FGD5: variants seen among roughly 807,000 people sequenced by gnomAD.
FGD5 encodes the protein FYVE, RhoGEF and PH domain containing 5, also known as FYVE, RhoGEF and PH domain-containing protein 5.
FGD5 carries 28 observed loss-of-function variants against 133.4 expected under a neutral mutation model. That is an observed-to-expected ratio of 0.21 (90% confidence interval 0.16 to 0.29). The LOEUF is 0.29. Ranked by LOEUF, FGD5 falls within the 10% of genes least tolerant of loss-of-function variation. The pLI is 1.00. For missense variants in FGD5, 1,858 were observed against 1,895.2 expected (o/e 0.98, Z 0.36); for synonymous variants, 810 against 776.5 (o/e 1.04, Z -0.72).
At position 14,819,409 on chromosome 3, in the gene FGD5, G is replaced by A; in HGVS notation, c.338G>A (p.Gly113Asp). Reference protein sequence around the residue: ...EEGGEACGLEGTGAGEDSVAP... With the variant: ...EEGGEACGLEDTGAGEDSVAP... ...GGAGGCGAGGCATGTGGCCTGGAGG[G>A]TACAGGAGCTGGTGAGGATTCAGTG... is the stretch of plus-strand genomic sequence containing the variant. Residue 113 changes from glycine (G) to aspartate (D), a missense_variant, in exon 1 of 20, where the codon GGT becomes GAT. By Grantham distance (94) the Gly-to-Asp change is moderately conservative. Coordinates refer to ENST00000285046, the MANE Select transcript of FGD5 (RefSeq NM_152536.4). The surrounding 1 kb of genome is among the most constrained non-coding windows in gnomAD (Gnocchi z 4.1). The A allele has an allele frequency of 1.9e-6, 3 of 1,550,114 alleles. No individual in the cohort carries two copies. The highest frequency in any genetic ancestry group is 1.4e-5 in the African/African-American group (1 of 73,000).
chr3:14,820,428 C>T lies in FGD5; in HGVS notation c.1357C>T (p.Leu453=). The T allele has an allele frequency of 1.2e-6, 2 of 1,613,978 alleles. No individual in the cohort carries two copies. Among genetic ancestry groups the T allele is most frequent in the Non-Finnish European group, 1.7e-6 (2 of 1,179,882 alleles). ...AGGAGGGCAGGCTGCATCGGACGCC[C>T]TGGGTGGTTATGGCTCGAAAGAAGA... ...GEGGQAASDA[L]GGYGSKEELN... Residue 453 remains leucine, a synonymous_variant, in exon 1 of 20, where the codon CTG becomes TTG. Transcript: ENST00000285046.
rs73031904 is a variant in FGD5, at chr3:14,917,055, C to G, written c.3406-194C>G. The stretch of plus-strand genomic sequence containing the variant: ...CTTGAGGGCATATGCATTTATTCCT[C>G]TCAAGCATCGAACCAGGAGTAGAGT... On this transcript the variant is annotated intron_variant, in intron 11 of 19. Transcript: ENST00000285046. The surrounding 1 kb of genome is among the most constrained non-coding windows in gnomAD (Gnocchi z 4.1). Among the ~76,000 whole-genome samples, 2,376 of 152,304 alleles carry G rather than the reference C, an allele frequency of 0.016. 17 individuals are homozygous for G. The highest frequency in any genetic ancestry group is 0.017 in the Non-Finnish European group (1,158 of 68,028).
intron 2 of FGD5, among the ~76,000 whole-genome samples, chr3:14,879,941 A>G (rs1162732331): frequency 6.6e-6 from 1 of 152,256 alleles, no homozygotes; most frequent in Non-Finnish European, 1.5e-5. Context: ...TGGTGGGGTC[A>G]TGAAGTGGGA....
chr3:14,843,709 G>C (rs2036970760), intron 1 of FGD5, among the ~76,000 whole-genome samples: 1 of 114,580 alleles, frequency 8.7e-6, no homozygotes, highest in African/African-American at 3.5e-5. Context: ...TTTTTGGGGG[G>C]AGACAGAGTC....
At chr3:14,850,122 C>G (rs1006985062) in intron 1 of FGD5, among the ~76,000 whole-genome samples, 1 of 152,242 alleles carries the variant, frequency 6.6e-6, no homozygotes, top group Non-Finnish European at 1.5e-5. Context: ...GCCCTTCCTG[C>G]TTCGCCTGTG....
intron 12 of FGD5, among the ~76,000 whole-genome samples, chr3:14,918,228 TTAGA>T (rs1252253682): frequency 6.6e-6 from 1 of 152,124 alleles, no homozygotes; most frequent in African/African-American, 2.4e-5. Context: ...GAGGCTGAAG[TTAGA>T]GAGGGCAACA....
chr3:14,930,602 A>G (rs924177701), intron 18 of FGD5, among the ~76,000 whole-genome samples: 4 of 152,106 alleles, frequency 2.6e-5, no homozygotes, highest in African/African-American at 9.7e-5. Context: ...CTGTCTCAAA[A>G]AAGAAAAAAA....
chr3:14,893,745 C>CTTT (rs1184804114), intron 4 of FGD5, among the ~76,000 whole-genome samples: 2 of 89,112 alleles, frequency 2.2e-5, no homozygotes, highest in African/African-American at 8.4e-5. Context: ...TCTTTCTTTT[C>CTTT]TTTTTTCTTT....
upstream of FGD5, among the ~76,000 whole-genome samples, chr3:14,816,609 G>A (rs887060145): frequency 6.6e-6 from 1 of 152,196 alleles, no homozygotes; most frequent in African/African-American, 2.4e-5. Flanking sequence ...GATCAGCCAG[G>A]CTCCAAAGGC....
intron 4 of FGD5, among the ~76,000 whole-genome samples, chr3:14,887,682 CAA>C (rs1249162861): frequency 6.6e-6 from 1 of 152,130 alleles, no homozygotes; most frequent in East Asian, 1.9e-4. Flanking sequence ...GGAAAAAGAA[CAA>C]TAGTAACGCA....
intron 1 of FGD5, among the ~76,000 whole-genome samples, chr3:14,846,797 G>T (rs1269326722): frequency 6.6e-6 from 1 of 152,218 alleles, no homozygotes; most frequent in Admixed American, 6.5e-5. Flanking sequence ...TTTGTTGGAG[G>T]TGACAATGCC....
chr3:14,812,968 C>T (rs1484510721), intron 1 of FGD5, among the ~76,000 whole-genome samples: 1 of 152,114 alleles, frequency 6.6e-6, no homozygotes, highest in Non-Finnish European at 1.5e-5. Flanking sequence ...AGTACCATTG[C>T]CATCCCCATT....
At chr3:14,824,935 G>A (rs1328746796) in intron 1 of FGD5, among the ~76,000 whole-genome samples, 1 of 152,212 alleles carries the variant, frequency 6.6e-6, no homozygotes, top group South Asian at 2.1e-4. Flanking sequence ...AGGGAGAGGT[G>A]TTAAAGACAT....
At chr3:14,810,989 C>A in intron 1 of FGD5, 1 of 816,072 alleles carries the variant, frequency 1.2e-6, no homozygotes, top group Non-Finnish European at 1.5e-6. Context: ...CTTCCAGTGC[C>A]GCTCGGCCTC....
chr3:14,911,001 A>G lies in FGD5; in HGVS notation c.3405+72A>G, dbSNP rs1575251778. On this transcript the variant is annotated intron_variant, in intron 11 of 19. Transcript: ENST00000285046. ...TGAGGTTTTCTAGGGCCATTATTCA[A>G]GGACAAGTGGAATAGGGTGAGAGGA... 3 of 1,439,322 alleles carry G rather than the reference A, an allele frequency of 2.1e-6. No individual in the cohort carries two copies. The East Asian group carries it at 7.3e-5, about 35-fold the overall frequency. The allele number at this position is 1,439,322 out of a possible 1,614,324, so 89.2% of individuals were successfully genotyped here.
chr3:14,820,544 C>G lies in FGD5; in HGVS notation c.1473C>G (p.Gly491=), dbSNP rs761268325. The part of the protein sequence containing the change: ...RVRPHSGKVA[G]YVPETVPEET... Reference sequence around the variant, plus strand: ...GGCCCCACTCTGGGAAGGTGGCCGGCTATGTCCCAGAAACCGTCCCTGAAG... The same window carrying G: ...GGCCCCACTCTGGGAAGGTGGCCGGGTATGTCCCAGAAACCGTCCCTGAAG... The change falls in exon 1 of 20, where the codon GGC becomes GGG. Residue 491 remains glycine (G), a synonymous_variant. Coordinates refer to ENST00000285046, the MANE Select transcript of FGD5 (RefSeq NM_152536.4). 6.2e-7 allele frequency: 1 copy of G among 1,613,448 alleles called. No homozygotes were observed. The highest frequency in any genetic ancestry group is 8.5e-7 in the Non-Finnish European group (1 of 1,179,618).
intron 9 of FGD5, among the ~76,000 whole-genome samples, chr3:14,901,294 G>A (rs1007228930): frequency 3.9e-5 from 6 of 152,220 alleles, no homozygotes; most frequent in Admixed American, 3.3e-4. Context: ...GGAATGCCCC[G>A]ACTGTGGTCT....
intron 4 of FGD5, among the ~76,000 whole-genome samples, chr3:14,889,514 A>T (rs2037986132): frequency 6.6e-6 from 1 of 152,222 alleles, no homozygotes; most frequent in South Asian, 2.1e-4. Context: ...AGCTGCTGTG[A>T]ACATCACCAT....
chr3:14,886,566 G>A (rs1251095748), intron 4 of FGD5, among the ~76,000 whole-genome samples: 1 of 152,244 alleles, frequency 6.6e-6, no homozygotes, highest in Non-Finnish European at 1.5e-5. Flanking sequence ...CCTCCGATGA[G>A]GCTGTGGCAA....
Sources: gnomAD v4.1 joint callset for allele counts (sites outside exome capture counted in the v4.1 genomes callset) on GRCh38, gnomAD v4.1.1 for gene constraint, Gnocchi (gnomAD v3.1) non-coding constraint, MANE v1.5 for transcripts, NCBI Gene and HGNC (gene_info 2026-07-23, HGNC 2026-07-21) for gene names.